The following PRKD1 variants were observed in gnomAD, a reference collection of about 807,000 sequenced individuals.
PRKD1 encodes the protein serine/threonine-protein kinase D1.
PRKD1 carries 63 observed loss-of-function variants against 95.9 expected under a neutral mutation model. That is an observed-to-expected ratio of 0.66 (90% CI 0.54 to 0.81). The LOEUF is 0.81. PRKD1 is among the 30% of genes least tolerant of loss of function. PRKD1 has a pLI of 0.00. For synonymous variants in PRKD1, 425 were observed against 423.1 expected (o/e 1.00, Z -0.05); for missense variants, 1,048 against 1,165.3 (o/e 0.90, Z 1.47).
chr14:29,852,588 T>C (rs1185211883), intron 1 of PRKD1, among the ~76,000 whole-genome samples: 1 of 151,768 alleles, frequency 6.6e-6, no homozygotes, highest in Non-Finnish European at 1.5e-5. Flanking sequence ...TAAGAAATAA[T>C]GGATGAAAAC....
At chr14:29,619,184 A>G (rs1023682037) in intron 13 of PRKD1, among the ~76,000 whole-genome samples, 2 of 151,566 alleles carry the variant, frequency 1.3e-5, no homozygotes, top group African/African-American at 4.9e-5. Flanking sequence ...TTTTTAACAG[A>G]TGAGAGTTAG....
intron 1 of PRKD1, among the ~76,000 whole-genome samples, chr14:29,884,866 T>C (rs978430310): frequency 2.0e-5 from 3 of 152,188 alleles, no homozygotes; most frequent in Non-Finnish European, 4.4e-5. Flanking sequence ...CTCACGCCTG[T>C]AATCCCAGCA....
intron 1 of PRKD1, among the ~76,000 whole-genome samples, chr14:29,774,507 C>A (rs138813978): frequency 6.6e-6 from 1 of 152,228 alleles, no homozygotes; most frequent in Non-Finnish European, 1.5e-5. Flanking sequence ...TGACCAGCAC[C>A]CTCCTAAGCA....
At chr14:29,908,335 C>T (rs1169949031) in intron 1 of PRKD1, among the ~76,000 whole-genome samples, 1 of 152,118 alleles carries the variant, frequency 6.6e-6, no homozygotes, top group Non-Finnish European at 1.5e-5. Context: ...CTCACACTGT[C>T]GCCAGGGATG....
chr14:29,866,514 A>G (rs1892913229), intron 1 of PRKD1, among the ~76,000 whole-genome samples: 1 of 152,214 alleles, frequency 6.6e-6, no homozygotes, highest in Admixed American at 6.6e-5. Flanking sequence ...AAGGTGTTTA[A>G]GTCTAGTTGG....
chr14:29,776,935 G>C (rs946224997), intron 1 of PRKD1, among the ~76,000 whole-genome samples: 13 of 152,188 alleles, frequency 8.5e-5, no homozygotes, highest in South Asian at 6.2e-4. Context: ...ATCAGACTAA[G>C]AGCGGATCTC....
In PRKD1 at chr14:29,748,886, C is replaced by T. The variant is rs535065586; in HGVS notation, c.265-23212G>A. On this transcript the variant is annotated intron_variant, in intron 1 of 17. Transcript: ENST00000331968. ...GAGTAAATGAGAGAGTGGTGAAAAA[C>T]GAAATCCTTAATGTTGTTTTGTCAT... Among the ~76,000 whole-genome samples, 9 of 151,978 alleles carry T rather than the reference C, an allele frequency of 5.9e-5. No homozygotes were observed. The East Asian group carries it at 7.7e-4, about 13-fold the overall frequency.
At chr14:29,606,784 T>C (rs537233121) in intron 13 of PRKD1, among the ~76,000 whole-genome samples, 22 of 152,296 alleles carry the variant, frequency 1.4e-4, no homozygotes, top group African/African-American at 5.1e-4. Flanking sequence ...ACTGTACCTC[T>C]TTTACTTCTT....
At chr14:29,611,997 T>C (rs1878502556) in intron 13 of PRKD1, among the ~76,000 whole-genome samples, 1 of 152,196 alleles carries the variant, frequency 6.6e-6, no homozygotes, top group South Asian at 2.1e-4. Flanking sequence ...GTACAGCTTC[T>C]ATATTTAGAT....
chr14:29,612,895 G>A (rs980668970), intron 13 of PRKD1, among the ~76,000 whole-genome samples: 8 of 152,086 alleles, frequency 5.3e-5, no homozygotes, highest in East Asian at 3.9e-4. Context: ...TCAGGAGATC[G>A]AGACCATCCT....
chr14:29,785,405 G>T (rs779233716), intron 1 of PRKD1, among the ~76,000 whole-genome samples: 1 of 151,802 alleles, frequency 6.6e-6, no homozygotes, highest in Non-Finnish European at 1.5e-5. Flanking sequence ...ATTGATTTTC[G>T]TATGTTCATT....
chr14:29,844,170 A>G (rs998501490), intron 1 of PRKD1, among the ~76,000 whole-genome samples: 4 of 152,222 alleles, frequency 2.6e-5, no homozygotes, highest in African/African-American at 9.6e-5. Flanking sequence ...GAAGAAAATA[A>G]ATAACTATTG....
chr14:29,916,283 G>A (rs1202122801), intron 1 of PRKD1, among the ~76,000 whole-genome samples: 1 of 152,160 alleles, frequency 6.6e-6, no homozygotes, highest in Non-Finnish European at 1.5e-5. Flanking sequence ...CTTGTAAAAA[G>A]CAACCTCCAA....
chr14:29,726,616 C>T lies in PRKD1; in HGVS notation c.265-942G>A, dbSNP rs138208111. Among the ~76,000 whole-genome samples, 513 of 152,120 alleles carry T rather than the reference C, an allele frequency of 3.4e-3. 2 individuals are homozygous for T. Among genetic ancestry groups the T allele is most frequent in the African/African-American group, 0.011 (474 of 41,514 alleles). On this transcript the variant is annotated intron_variant, in intron 1 of 17. Transcript: ENST00000331968. ...ATACCTGCTGGAGATAAAAACAATA[C>T]ATTATAAACCTCTCTTTCTTTTTCT...
At chr14:29,605,779 T>G (rs185247295) in intron 13 of PRKD1, among the ~76,000 whole-genome samples, 57 of 152,362 alleles carry the variant, frequency 3.7e-4, no homozygotes, top group Non-Finnish European at 7.3e-5. Context: ...CTACGTCTCC[T>G]TACTTTTCAT....
intron 9 of PRKD1, 118 bp downstream of exon 9, chr14:29,632,751 C>T (rs1729463366): frequency 1.1e-6 from 1 of 895,976 alleles, no homozygotes; most frequent in Non-Finnish European, 1.7e-6. Flanking sequence ...AAAATAGTTC[C>T]TGGAGGAAGC....
In PRKD1 at chr14:29,876,045, C is replaced by A. The variant is rs546273679; in HGVS notation, c.264+51204G>T. Among the ~76,000 whole-genome samples, 169 of 152,290 alleles carry A rather than the reference C, an allele frequency of 1.1e-3. 1 individual carries two copies. Among genetic ancestry groups the A allele is most frequent in the African/African-American group, 3.9e-3 (161 of 41,564 alleles). On this transcript the variant is annotated intron_variant, in intron 1 of 17. Transcript: ENST00000331968. Reference sequence around the variant, plus strand: ...AAGAGATACATACCATGACTTGTTACAGGAGAAGAACCCTATCTCAGAAAA... The same window carrying A: ...AAGAGATACATACCATGACTTGTTAAAGGAGAAGAACCCTATCTCAGAAAA...
chr14:29,593,626 T>C (rs574536534), intron 16 of PRKD1, among the ~76,000 whole-genome samples: 10 of 152,188 alleles, frequency 6.6e-5, no homozygotes, highest in African/African-American at 9.6e-5. Flanking sequence ...TGCTAGGGTA[T>C]CATTGCTTTA....
rs769321302 is a variant in PRKD1 at position 29,629,036 on chromosome 14, C to A, written c.1725+5G>T. 1 of 1,592,366 alleles carries A rather than the reference C, an allele frequency of 6.3e-7. No homozygotes were observed. The highest frequency in any genetic ancestry group is 1.3e-5 in the African/African-American group (1 of 74,208). Reference sequence around the variant, plus strand: ...CAAGTTTTATATTAGTAGGTACATACTTACCACATTTTCTTGAATCTGGCA... The same window carrying A: ...CAAGTTTTATATTAGTAGGTACATAATTACCACATTTTCTTGAATCTGGCA... On this transcript the variant is annotated splice_donor_5th_base_variant and intron_variant, in intron 11 of 17. Coordinates refer to ENST00000331968, the MANE Select transcript of PRKD1 (RefSeq NM_002742.3).
Sources: allele counts gnomAD v4.1 joint callset (sites outside exome capture counted in the v4.1 genomes callset), GRCh38; gene constraint gnomAD v4.1.1; transcripts MANE v1.5; gene names NCBI Gene and HGNC (gene_info 2026-07-23, HGNC 2026-07-21).